The following SIK3 variants were observed in gnomAD, a reference collection of about 807,000 sequenced individuals.
SIK3 encodes SIK family kinase 3, also known as serine/threonine-protein kinase SIK3.
SIK3 carries 28 observed loss-of-function variants against 144.2 expected under a neutral mutation model. The observed-to-expected ratio is 0.19, with a 90% CI of 0.14 to 0.27. The LOEUF (loss-of-function observed/expected upper bound fraction) is 0.27. Among genes scored for constraint, SIK3 ranks in the 10% least tolerant of loss-of-function variants. The pLI is 1.00. For missense variants in SIK3, 1,319 were observed against 1,776.0 expected (o/e 0.74, Z 4.62); for synonymous variants, 686 against 676.3 (o/e 1.01, Z -0.22).
intron 1 of SIK3, among the ~76,000 whole-genome samples, chr11:116,983,972 G>C (rs1341870031): frequency 6.7e-6 from 1 of 148,430 alleles, no homozygotes; most frequent in African/African-American, 2.5e-5. Flanking sequence ...GAGCACTTGA[G>C]TCCAGGCGGC....
In SIK3 at chr11:116,849,450, C is replaced by G. The variant is rs1040141504; in HGVS notation, c.3656-167G>C. ...CATGGCTTAGAGGAGCCTGGACCAG[C>G]CCTCCAAAAGACGAGCTGTAGGGGA... On this transcript the variant is annotated intron_variant, in intron 21 of 24. Coordinates refer to ENST00000445177, the MANE Select transcript of SIK3 (RefSeq NM_001366686.3). The surrounding 1 kb of genome is among the most constrained non-coding windows in gnomAD (Gnocchi z 4.2). Among the ~76,000 whole-genome samples, 1 of 152,152 alleles carries G rather than the reference C, an allele frequency of 6.6e-6. No individual in the cohort carries two copies. Among genetic ancestry groups the G allele is most frequent in the African/African-American group, 2.4e-5 (1 of 41,428 alleles).
intron 1 of SIK3, among the ~76,000 whole-genome samples, chr11:117,087,132 T>C (rs765887488): frequency 6.6e-6 from 1 of 152,014 alleles, no homozygotes; most frequent in South Asian, 2.1e-4. Context: ...TGATGATTTA[T>C]AAAAAGCAAG....
At chr11:116,982,946 A>C (rs1235127121) in intron 1 of SIK3, among the ~76,000 whole-genome samples, 2 of 94,946 alleles carry the variant, frequency 2.1e-5, no homozygotes, top group African/African-American at 1.2e-4. Flanking sequence ...TCCGTCTCAA[A>C]AAAAAAAAAA....
chr11:116,998,379 G>A (rs1324467261), intron 1 of SIK3, among the ~76,000 whole-genome samples: 1 of 151,338 alleles, frequency 6.6e-6, no homozygotes, highest in East Asian at 2.0e-4. Context: ...GCTGAGGCAG[G>A]AGAATCACTT....
At position 117,083,928 on chromosome 11, in the gene SIK3, T is replaced by C. The variant is rs141658204; in HGVS notation, c.273+14215A>G. ...GCCAGTTTCTTCACCAAGTTTTTAA[T>C]ACCACTGACTCATTACCAAATTCAG... On this transcript the variant is annotated intron_variant, in intron 1 of 24. Coordinates refer to ENST00000445177, the MANE Select transcript of SIK3 (RefSeq NM_001366686.3). Among the ~76,000 whole-genome samples, 52 of 152,362 alleles carry C rather than the reference T, an allele frequency of 3.4e-4. No homozygotes were observed. The East Asian group carries it at 7.9e-3, about 23-fold the overall frequency.
chr11:117,094,255 T>C (rs1258493743), intron 1 of SIK3, among the ~76,000 whole-genome samples: 1 of 152,198 alleles, frequency 6.6e-6, no homozygotes, highest in African/African-American at 2.4e-5. Flanking sequence ...TGTTGAAATA[T>C]AGTTTAAACG....
chr11:116,881,522 C>T lies in SIK3; in HGVS notation c.866-4480G>A, dbSNP rs181649427. On this transcript the variant is annotated intron_variant, in intron 6 of 24. Coordinates refer to ENST00000445177, the MANE Select transcript of SIK3 (RefSeq NM_001366686.3). ...TGACATAGCCAGTGTGAGTCCGTAT[C>T]TGTGAAAGCAACATTTTTTTTCTTT... Among the ~76,000 whole-genome samples the T allele has an allele frequency of 3.8e-3, 571 of 152,242 alleles. 2 individuals are homozygous for T. The highest frequency in any genetic ancestry group is 7.5e-3 in the Admixed American group (115 of 15,290).
rs867612066 is a variant in SIK3, at chr11:117,023,627, T to G, written c.274-66563A>C. 2.3e-4 allele frequency among the ~76,000 whole-genome samples: 31 copies of G among 133,704 alleles called. No homozygotes were observed. The South Asian group carries it at 3.4e-3, about 15-fold the overall frequency. 87.7% of individuals were successfully genotyped at this position (133,704 alleles called of 152,430 possible). A position where few individuals can be genotyped will look rare whatever the true frequency, so the allele number is the denominator to read the frequency against. ...AAACAAACAAAAAAAAAAAAATATA[T>G]ATATATATATATATATATTGCACAC... On this transcript the variant is annotated intron_variant, in intron 1 of 24. Transcript: ENST00000445177.
In SIK3 at chr11:116,865,227, T is replaced by C. The variant is rs11603809; in HGVS notation, c.1953-1409A>G. On this transcript the variant is annotated intron_variant, in intron 15 of 24. Transcript: ENST00000445177. ...CCTATGCTTTCAATGTTTTCTGAAA[T>C]GGACATGTTTCTGATCCCCTCAGAA... Among the ~76,000 whole-genome samples, 107 of 151,942 alleles carry C rather than the reference T, an allele frequency of 7.0e-4. 1 individual carries two copies. Among genetic ancestry groups the C allele is most frequent in the African/African-American group, 2.5e-3 (103 of 41,528 alleles).
intron 1 of SIK3, among the ~76,000 whole-genome samples, chr11:116,983,367 TA>T (rs957264116): frequency 6.6e-6 from 1 of 151,494 alleles, no homozygotes; most frequent in Non-Finnish European, 1.5e-5. Flanking sequence ...CCATCTCTAC[TA>T]AAAATACAAA....
rs147847625 is a variant in SIK3 at position 117,081,481 on chromosome 11, G to A, written c.273+16662C>T. On this transcript the variant is annotated intron_variant, in intron 1 of 24. Coordinates refer to ENST00000445177, the MANE Select transcript of SIK3 (RefSeq NM_001366686.3). ...TACTAAAAATTACAAAAGATTAGCCGGGCGTGATGGCAGGTACCTGTAGTC... is the reference window on the plus strand; with the variant it reads ...TACTAAAAATTACAAAAGATTAGCCAGGCGTGATGGCAGGTACCTGTAGTC... Among the ~76,000 whole-genome samples the A allele has an allele frequency of 4.7e-3, 716 of 152,210 alleles. 6 individuals are homozygous for A. Among genetic ancestry groups the A allele is most frequent in the African/African-American group, 0.016 (670 of 41,548 alleles).
intron 21 of SIK3, among the ~76,000 whole-genome samples, chr11:116,851,504 G>C (rs1238491597): frequency 6.6e-6 from 1 of 152,206 alleles, no homozygotes; most frequent in Non-Finnish European, 1.5e-5. Flanking sequence ...AGGATGGAAA[G>C]GGAGGGGAGC....
intron 6 of SIK3, among the ~76,000 whole-genome samples, chr11:116,888,130 G>A (rs561666996): frequency 6.6e-6 from 1 of 152,314 alleles, no homozygotes; most frequent in Admixed American, 6.5e-5. Context: ...GCAGCTACAT[G>A]GTAGAGGCTT....
rs34899537 is a variant in SIK3, at chr11:116,927,081, A to AT, written c.616+137dup. 3,360 of 550,526 alleles carry AT rather than the reference A, an allele frequency of 6.1e-3. 1 individual carries two copies. Among genetic ancestry groups the AT allele is most frequent in the South Asian group, 0.012 (337 of 28,172 alleles). 34.1% of individuals were successfully genotyped at this position (550,526 alleles called of 1,614,324 possible). On this transcript the variant is annotated intron_variant, in intron 4 of 24. Coordinates refer to ENST00000445177, the MANE Select transcript of SIK3 (RefSeq NM_001366686.3). ...TTTAAAGTTTATCAATTTTCAGGCT[A>AT]TTTTTTTTTTCATCTTAAATTGTCC... is the stretch of plus-strand genomic sequence containing the variant.
intron 6 of SIK3, among the ~76,000 whole-genome samples, chr11:116,879,016 T>C (rs527959072): frequency 1.3e-5 from 2 of 152,330 alleles, no homozygotes; most frequent in East Asian, 3.9e-4. Context: ...ACTCCTCCAC[T>C]GCAATGCAAG....
chr11:117,019,202 T>C (rs1332054146), intron 1 of SIK3, among the ~76,000 whole-genome samples: 1 of 151,830 alleles, frequency 6.6e-6, no homozygotes, highest in African/African-American at 2.4e-5. Flanking sequence ...CATATTTTAG[T>C]GGAGACAAGG....
chr11:116,857,888 G>A lies in SIK3; in HGVS notation c.3577C>T (p.His1193Tyr). The A allele has an allele frequency of 1.2e-6, 2 of 1,614,194 alleles. No homozygotes were observed. Among genetic ancestry groups the A allele is most frequent in the Non-Finnish European group, 1.7e-6 (2 of 1,180,040 alleles). The change falls in exon 21 of 25, where the codon CAT becomes TAT. Residue 1193 changes from histidine to tyrosine, a missense_variant. Physicochemically the swap from His to Tyr is moderately conservative, Grantham distance 83. Around this residue, in one of 8 missense-constraint regions of SIK3, gnomAD observed 646 missense variants for 763.7 expected, o/e 0.85. Coordinates refer to ENST00000445177, the MANE Select transcript of SIK3 (RefSeq NM_001366686.3). ...GGATGTATCCCCAATTCTTGGGCAT[G>A]ACTCACAGTTCCTAGCAAAGATTCA... ...DPESLLGTVS[H>Y]AQELGIHPYG... is the part of the protein sequence containing the mutation.
chr11:117,042,822 A>T (rs988260410), intron 1 of SIK3, among the ~76,000 whole-genome samples: 19 of 152,236 alleles, frequency 1.2e-4, no homozygotes, highest in Non-Finnish European at 2.9e-5. Flanking sequence ...CACATAACTA[A>T]ACCAATTAAG....
chr11:116,981,298 G>C (rs1222517471), intron 1 of SIK3, among the ~76,000 whole-genome samples: 2 of 152,334 alleles, frequency 1.3e-5, no homozygotes, highest in African/African-American at 2.4e-5. Flanking sequence ...CTGACCATCA[G>C]CTGGAAGCCT....
Sources: gnomAD v4.1 joint callset for allele counts (sites outside exome capture counted in the v4.1 genomes callset) on GRCh38, gnomAD v4.1.1 for gene constraint, gnomAD v4.1.1 regional missense constraint, Gnocchi (gnomAD v3.1) non-coding constraint, MANE v1.5 for transcripts, NCBI Gene and HGNC (gene_info 2026-07-23, HGNC 2026-07-21) for gene names.